BCKDHB: variants seen among roughly 807,000 people sequenced by gnomAD.
The protein encoded by BCKDHB is branched chain keto acid dehydrogenase E1 subunit beta, also known as 2-oxoisovalerate dehydrogenase subunit beta, mitochondrial.
A neutral mutation model predicts 48.5 loss-of-function variants in BCKDHB; 41 were observed. The observed-to-expected ratio is 0.85, with a 90% CI of 0.66 to 1.10. The LOEUF (loss-of-function observed/expected upper bound fraction) is 1.10. BCKDHB is among the 50% of genes least tolerant of loss of function. BCKDHB has a pLI of 0.00. For missense variants in BCKDHB, 496 were observed against 494.2 expected (o/e 1.00, Z -0.03); for synonymous variants, 201 against 174.8 (o/e 1.15, Z -1.18).
chr6:80,274,617 C>G (rs1777893688), intron 9 of BCKDHB, among the ~76,000 whole-genome samples: 1 of 151,892 alleles, frequency 6.6e-6, no homozygotes, highest in Non-Finnish European at 1.5e-5. Context: ...GTGTTTTGTT[C>G]ACTGCTTATT....
At chr6:80,114,043 C>T (rs918837809) in intron 1 of BCKDHB, among the ~76,000 whole-genome samples, 2 of 152,058 alleles carry the variant, frequency 1.3e-5, no homozygotes, top group African/African-American at 4.8e-5. Flanking sequence ...ATCTGCCACG[C>T]AGAAAAGGGG....
At chr6:80,309,951 A>T (rs576056721) in intron 9 of BCKDHB, among the ~76,000 whole-genome samples, 1 of 152,250 alleles carries the variant, frequency 6.6e-6, no homozygotes, top group East Asian at 1.9e-4. Context: ...GAGAACATGT[A>T]TTCAGTTTTC....
the BCKDHB span, among the ~76,000 whole-genome samples, chr6:80,409,016 A>G: frequency 6.6e-6 from 1 of 152,176 alleles, no homozygotes; most frequent in Non-Finnish European, 1.5e-5. Flanking sequence ...ATTTAGTGCT[A>G]TAAATTTCCC....
At chr6:80,124,791 G>A (rs1011602537) in intron 1 of BCKDHB, among the ~76,000 whole-genome samples, 17 of 152,088 alleles carry the variant, frequency 1.1e-4, no homozygotes, top group Admixed American at 9.2e-4. Flanking sequence ...TCAACAGTGG[G>A]CTTAAAATAT....
chr6:80,152,178 T>C (rs1444891052), intron 3 of BCKDHB, among the ~76,000 whole-genome samples: 1 of 152,098 alleles, frequency 6.6e-6, no homozygotes, highest in Non-Finnish European at 1.5e-5. Context: ...TTTTAATCTG[T>C]TTATTCAGCA....
intron 8 of BCKDHB, among the ~76,000 whole-genome samples, chr6:80,225,410 A>C (rs1554198424): frequency 6.6e-6 from 1 of 152,228 alleles, no homozygotes; most frequent in Non-Finnish European, 1.5e-5. Flanking sequence ...GTGAATAAAA[A>C]GTATGTTGGG....
At chr6:80,236,293 G>A (rs1412082990) in intron 8 of BCKDHB, among the ~76,000 whole-genome samples, 1 of 152,146 alleles carries the variant, frequency 6.6e-6, no homozygotes, top group Non-Finnish European at 1.5e-5. Flanking sequence ...CTGTTTGAAG[G>A]CAGGGCTGTT....
At chr6:80,286,597 C>A (rs1766636628) in intron 9 of BCKDHB, among the ~76,000 whole-genome samples, 1 of 152,108 alleles carries the variant, frequency 6.6e-6, no homozygotes, top group East Asian at 1.9e-4. Flanking sequence ...TTAATGTCTT[C>A]TGAGAGGGTA....
the BCKDHB span, among the ~76,000 whole-genome samples, chr6:80,422,796 AC>A: frequency 6.6e-6 from 1 of 152,052 alleles, no homozygotes; most frequent in Non-Finnish European, 1.5e-5. Flanking sequence ...CAATGCCTCT[AC>A]CCCAGTTGTA....
At chr6:80,218,553 G>A (rs1775275263) in intron 8 of BCKDHB, among the ~76,000 whole-genome samples, 1 of 151,950 alleles carries the variant, frequency 6.6e-6, no homozygotes, top group Non-Finnish European at 1.5e-5. Flanking sequence ...TGCATTCCCT[G>A]CTGTCTTCAT....
At position 80,196,877 on chromosome 6, in the gene BCKDHB, T is replaced by C. The variant is rs1330001353; in HGVS notation, c.743-4057T>C. On this transcript the variant is annotated intron_variant, in intron 6 of 9. Coordinates refer to ENST00000320393, the MANE Select transcript of BCKDHB (RefSeq NM_183050.4). ...AAACTTACAATATACATTAAAAAAA[T>C]CTATCCTGTTTGATATTTGCATTTT... Among the ~76,000 whole-genome samples, 5 of 152,204 alleles carry C rather than the reference T, an allele frequency of 3.3e-5. No homozygotes were observed. In the East Asian group the frequency reaches 9.6e-4, roughly 29 times the overall value.
chr6:80,195,080 CTTAATTATTATT>C (rs1479321257), intron 6 of BCKDHB, among the ~76,000 whole-genome samples: 1 of 152,056 alleles, frequency 6.6e-6, no homozygotes, highest in Non-Finnish European at 1.5e-5. Flanking sequence ...AAGGTTGGCA[CTTAATTATTATT>C]TTATTTATTG....
At chr6:80,157,556 C>G (rs1249186133) in intron 3 of BCKDHB, among the ~76,000 whole-genome samples, 6 of 150,476 alleles carry the variant, frequency 4.0e-5, no homozygotes, top group Admixed American at 3.3e-4. Context: ...ACCTCCGCCT[C>G]CCAGGTTCAA....
intron 3 of BCKDHB, among the ~76,000 whole-genome samples, chr6:80,142,339 T>TC (rs1771262202): frequency 6.6e-6 from 1 of 152,158 alleles, no homozygotes; most frequent in Admixed American, 6.6e-5. Flanking sequence ...ATATGAGTTA[T>TC]AAATACTGTC....
At chr6:80,385,011 C>T in the BCKDHB span, among the ~76,000 whole-genome samples, 586 of 152,204 alleles carry the variant, frequency 3.9e-3, 7 homozygotes, top group African/African-American at 0.013. Context: ...TAGAGAGTTA[C>T]GTAAAATAAA....
intron 9 of BCKDHB, among the ~76,000 whole-genome samples, chr6:80,302,994 AAAAG>A (rs1357712463): frequency 2.0e-5 from 3 of 152,260 alleles, no homozygotes; most frequent in African/African-American, 7.2e-5. Context: ...GATGCTTAAA[AAAAG>A]AGCAGAATTT....
At chr6:80,145,868 C>T (rs1217878550) in intron 3 of BCKDHB, among the ~76,000 whole-genome samples, 2 of 152,198 alleles carry the variant, frequency 1.3e-5, no homozygotes, top group South Asian at 2.1e-4. Flanking sequence ...CTTTAGTATG[C>T]CCTGGGATCT....
At chr6:80,218,903 A>G (rs940280087) in intron 8 of BCKDHB, among the ~76,000 whole-genome samples, 1 of 152,212 alleles carries the variant, frequency 6.6e-6, no homozygotes, top group Non-Finnish European at 1.5e-5. Flanking sequence ...ATGATAACAA[A>G]TATTTTTCAC....
chr6:80,329,521 C>T (rs1227702921), intron 9 of BCKDHB, among the ~76,000 whole-genome samples: 1 of 152,098 alleles, frequency 6.6e-6, no homozygotes, highest in Non-Finnish European at 1.5e-5. Context: ...TACTGTCTTC[C>T]TGGCAGGGCT....
Sources: gnomAD v4.1 joint callset for allele counts (sites outside exome capture counted in the v4.1 genomes callset) on GRCh38, gnomAD v4.1.1 for gene constraint, MANE v1.5 for transcripts, NCBI Gene and HGNC (gene_info 2026-07-23, HGNC 2026-07-21) for gene names.